The following ACACB variants were observed in gnomAD, a reference collection of about 807,000 sequenced individuals.
ACACB encodes acetyl-CoA carboxylase beta.
In ACACB, 209 loss-of-function variants were observed where a neutral mutation model predicts 278.8. The observed-to-expected ratio is 0.75, with a 90% confidence interval of 0.67 to 0.84. The LOEUF is 0.84. Among genes scored for constraint, ACACB ranks in the 40% least tolerant of loss-of-function variants. ACACB has a pLI of 0.00. For missense variants in ACACB, 2,850 were observed against 3,269.0 expected (o/e 0.87, Z 3.13); for synonymous variants, 1,174 against 1,285.6 (o/e 0.91, Z 1.86).
At chr12:109,205,320 C>T (rs1045576063) in intron 19 of ACACB, among the ~76,000 whole-genome samples, 2 of 152,182 alleles carry the variant, frequency 1.3e-5, no homozygotes, top group East Asian at 3.9e-4. Flanking sequence ...CACATAAATG[C>T]TTGTGAGACA....
At chr12:109,259,270 C>T (rs925362497) in intron 47 of ACACB, among the ~76,000 whole-genome samples, 162 bp downstream of exon 47, 3 of 152,018 alleles carry the variant, frequency 2.0e-5, no homozygotes, top group African/African-American at 7.3e-5. Flanking sequence ...GCCCCACTAC[C>T]CCGTTTTAAA....
At position 109,140,338 on chromosome 12, in the gene ACACB, C is replaced by T. The variant is rs1306206644; in HGVS notation, c.653+280C>T. ...TCCTTCCTTCCTTCCTTCCTTCCTTCCTTCCTTCCTTCCCTCCTTTCAAAA... is the reference window on the plus strand; with the variant it reads ...TCCTTCCTTCCTTCCTTCCTTCCTTTCTTCCTTCCTTCCCTCCTTTCAAAA... On this transcript the variant is annotated intron_variant, in intron 2 of 52. Coordinates refer to ENST00000338432, the MANE Select transcript of ACACB (RefSeq NM_001093.4). Among the ~76,000 whole-genome samples the T allele has an allele frequency of 5.4e-5, 5 of 93,178 alleles. 1 individual carries two copies. Among genetic ancestry groups the T allele is most frequent in the East Asian group, 6.9e-4 (1 of 1,446 alleles). The allele number at this position is 93,178 out of a possible 152,430, so 61.1% of individuals were successfully genotyped here. A position where few individuals can be genotyped will look rare whatever the true frequency, so the allele number is the denominator to read the frequency against.
rs531649418 is a variant in ACACB, at chr12:109,148,097, C to T, written c.653+8039C>T. Among the ~76,000 whole-genome samples, 4 of 152,330 alleles carry T rather than the reference C, an allele frequency of 2.6e-5. No individual in the cohort carries two copies. The East Asian group carries it at 7.7e-4, about 29-fold the overall frequency. ...ATCCAACAACCTCGTTAAGCTCTCT[C>T]CTCCCATCTCCTCCCCTTTGGGTTG... On this transcript the variant is annotated intron_variant, in intron 2 of 52. Transcript: ENST00000338432.
chr12:109,189,509 C>T (rs1036577570), intron 13 of ACACB, among the ~76,000 whole-genome samples: 1 of 152,164 alleles, frequency 6.6e-6, no homozygotes, highest in African/African-American at 2.4e-5. Context: ...TCCAGCTTTT[C>T]TTATTGCTGT....
chr12:109,242,629 C>A (rs1462970031), intron 37 of ACACB, 37 bp downstream of exon 37: 25 of 1,609,198 alleles, frequency 1.6e-5, no homozygotes, highest in Non-Finnish European at 2.1e-5. Flanking sequence ...CCCCCTGGGT[C>A]CTCCCAGCAG....
intron 20 of ACACB, among the ~76,000 whole-genome samples, chr12:109,208,025 G>A (rs2045572064): frequency 1.3e-5 from 2 of 152,036 alleles, no homozygotes; most frequent in African/African-American, 4.8e-5. Flanking sequence ...CATCCTCCCA[G>A]CAACCGATAA....
At position 109,258,309 on chromosome 12, in the gene ACACB, G is replaced by A. The variant is rs368938120; in HGVS notation, c.6305G>A (p.Arg2102Gln). The A allele has an allele frequency of 1.4e-5, 22 of 1,612,588 alleles. No homozygotes were observed. Among genetic ancestry groups the A allele is most frequent in the African/African-American group, 5.3e-5 (4 of 74,894 alleles). Residue 2102 changes from arginine (R) to glutamine (Q), a missense_variant, in exon 46 of 53, where the codon CGG (arginine) becomes CAG (glutamine). Coordinates refer to ENST00000338432, the MANE Select transcript of ACACB (RefSeq NM_001093.4). ...IPVGVIAVET[R>Q]TVEVAVPADP... ...GTGGGAGTGATTGCTGTGGAGACAC[G>A]GACTGTGGAGGTGGCAGTCCCTGCA...
chr12:109,179,041 G>T, intron 9 of ACACB, 47 bp from the exon 10 acceptor site: 1 of 1,572,008 alleles, frequency 6.4e-7, no homozygotes. Context: ...GAAGCTTCCA[G>T]AGCTGGTTTC....
intron 2 of ACACB, among the ~76,000 whole-genome samples, chr12:109,140,268 T>A (rs1364467030): frequency 6.8e-5 from 4 of 59,066 alleles, no homozygotes; most frequent in African/African-American, 1.9e-4. Context: ...CCTTCCTTCC[T>A]TCTTTCCTTC....
rs1438074841 is a variant in ACACB, at chr12:109,193,749, T to C, written c.2481+20T>C. ...CTCAAGGTAAATGCCCCCGTGCCTC[T>C]CCGATGTCTCCAACACTCTGCAAGC... On this transcript the variant is annotated intron_variant, in intron 16 of 52. Coordinates refer to ENST00000338432, the MANE Select transcript of ACACB (RefSeq NM_001093.4). 14 of 1,581,304 alleles carry C rather than the reference T, an allele frequency of 8.9e-6. No homozygotes were observed. In the East Asian group the frequency reaches 3.1e-4, roughly 35 times the overall value.
chr12:109,266,617 C>T lies in ACACB; in HGVS notation c.*255C>T. 1 of 314,602 alleles carries T rather than the reference C, an allele frequency of 3.2e-6. No individual in the cohort carries two copies. Among genetic ancestry groups the T allele is most frequent in the Non-Finnish European group, 5.7e-6 (1 of 174,936 alleles). 19.5% of individuals were successfully genotyped at this position (314,602 alleles called of 1,614,324 possible). A position where few individuals can be genotyped will look rare whatever the true frequency, so the allele number is the denominator to read the frequency against. On this transcript the variant is annotated 3_prime_UTR_variant, in exon 53 of 53. Transcript: ENST00000338432. ...GTCTCTGAAGACAGCAGTTTTATTG[C>T]ATCACTAAATCTAATCAAGCTAAAA... is the stretch of plus-strand genomic sequence containing the variant.
At chr12:109,174,053 G>A (rs555107142) in intron 6 of ACACB, 79 bp from the exon 7 acceptor site, 167 of 1,239,500 alleles carry the variant, frequency 1.3e-4, no homozygotes, top group African/African-American at 3.1e-4. Context: ...CCCCACCACC[G>A]TGCACTCGGT....
chr12:109,166,735 G>C, intron 2 of ACACB, 126 bp from the exon 3 acceptor site: 1 of 1,183,722 alleles, frequency 8.4e-7, no homozygotes, highest in South Asian at 1.4e-5. Context: ...GCTCTGGAGA[G>C]CAAGTGCAAA....
At chr12:109,187,977 G>T in intron 12 of ACACB, 22 bp from the exon 13 acceptor site, 1 of 1,578,146 alleles carries the variant, frequency 6.3e-7, no homozygotes, top group Non-Finnish European at 8.7e-7. Context: ...CTTCCATTTT[G>T]CATTTTCTGT....
At chr12:109,210,397 ATATACACGCACACACATG>A (rs2045778123) in intron 21 of ACACB, among the ~76,000 whole-genome samples, 10 of 144,678 alleles carry the variant, frequency 6.9e-5, no homozygotes, top group African/African-American at 2.6e-4. Context: ...GTATATATGT[ATATACACGCACACACATG>A]TGTATATATG....
At chr12:109,118,133 G>A (rs1435720430) in intron 1 of ACACB, among the ~76,000 whole-genome samples, 1 of 152,198 alleles carries the variant, frequency 6.6e-6, no homozygotes. Flanking sequence ...ACTTCTCCAA[G>A]TTTTAAGTGG....
At chr12:109,217,136 G>T (rs187836065) in intron 24 of ACACB, among the ~76,000 whole-genome samples, 51 of 152,236 alleles carry the variant, frequency 3.4e-4, no homozygotes, top group Non-Finnish European at 6.0e-4. Context: ...ACAAAAATTA[G>T]CTGGCCATGG....
chr12:109,126,754 T>C (rs1201880726), intron 1 of ACACB, among the ~76,000 whole-genome samples: 1 of 152,178 alleles, frequency 6.6e-6, no homozygotes, highest in Non-Finnish European at 1.5e-5. Context: ...CAGGCATTAA[T>C]TGAGCACCTA....
intron 1 of ACACB, among the ~76,000 whole-genome samples, chr12:109,124,050 T>G (rs912242116): frequency 6.6e-6 from 1 of 151,892 alleles, no homozygotes; most frequent in Non-Finnish European, 1.5e-5. Flanking sequence ...CGTAATACTT[T>G]AGCACACATT....
Sources: gnomAD v4.1 joint callset for allele counts (sites outside exome capture counted in the v4.1 genomes callset) on GRCh38, gnomAD v4.1.1 for gene constraint, MANE v1.5 for transcripts, NCBI Gene and HGNC (gene_info 2026-07-23, HGNC 2026-07-21) for gene names.